Variants in MTHFSD observed in about 807,000 individuals in gnomAD.
MTHFSD encodes the protein methenyltetrahydrofolate synthase domain-containing protein.
MTHFSD carries 37 observed loss-of-function variants against 31.1 expected under a neutral mutation model. That is an observed-to-expected ratio of 1.19 (90% CI 0.91 to 1.56). The LOEUF is 1.56. MTHFSD is among the 40% of genes most tolerant of loss of function. The probability of loss-of-function intolerance (pLI) is 0.00; values close to 1 mark genes in which losing one functional copy is unlikely to be tolerated. For missense variants in MTHFSD, 664 were observed against 510.1 expected, an observed-to-expected ratio of 1.30 and a Z score of -2.91; for synonymous variants, 221 against 206.9, an observed-to-expected ratio of 1.07 and a Z score of -0.59.
chr16:86,542,334 A>C lies in MTHFSD; in HGVS notation c.443-121T>G. On this transcript the variant is annotated intron_variant, in intron 5 of 7. Coordinates refer to ENST00000360900, the MANE Select transcript of MTHFSD (RefSeq NM_001159377.2). This position sits in a 1 kb window ranked among gnomAD's most constrained non-coding sequence, Gnocchi z 4.6. ...CCAATATCCCGAGCTAATCTATAGA[A>C]ATTTTCACAGAAATGCCCACCAAAT... is the stretch of plus-strand genomic sequence containing the variant. 1.2e-6 allele frequency: 1 copy of C among 820,376 alleles called. No homozygotes were observed. The highest frequency in any genetic ancestry group is 1.8e-5 in the South Asian group (1 of 55,132). The allele number at this position is 820,376 out of a possible 1,614,324, so 50.8% of individuals were successfully genotyped here.
rs1284398961 is a variant in MTHFSD, at chr16:86,546,524, T to C, written c.442+35A>G. 3 of 1,581,716 alleles carry C rather than the reference T, an allele frequency of 1.9e-6. No individual in the cohort carries two copies. The South Asian group carries it at 3.3e-5, about 17-fold the overall frequency. ...GCACGCAGCCGCCTTCAGGCAGAGCTGTCACACTCAAGGGTTCCCATCTGC... is the reference window on the plus strand; with the variant it reads ...GCACGCAGCCGCCTTCAGGCAGAGCCGTCACACTCAAGGGTTCCCATCTGC... On this transcript the variant is annotated intron_variant, in intron 5 of 7. Transcript: ENST00000360900.
rs779874337 is a variant in MTHFSD, at chr16:86,554,648, A to T, written c.120T>A (p.Phe40Leu). 1 of 1,611,996 alleles carries T rather than the reference A, an allele frequency of 6.2e-7. No individual in the cohort carries two copies. Among genetic ancestry groups the T allele is most frequent in the Middle Eastern group, 1.7e-4 (1 of 6,058 alleles). Residue 40 changes from phenylalanine (F) to leucine (L), a missense_variant, in exon 2 of 8, where the codon TTT becomes TTA. By Grantham distance (22) the Phe-to-Leu change is conservative (BLOSUM62 0). Transcript: ENST00000360900. ...GACTCCAGAAATATGTCAGTACCTT[A>T]AAGTTGGGTATCCTGTGATGAACAG... Reference protein sequence around the residue: ...PRPVHHRIPNFKGSYLACQNI... With the variant: ...PRPVHHRIPNLKGSYLACQNI...
chr16:86,548,328 A>G, intron 4 of MTHFSD, 136 bp downstream of exon 4: 3 of 861,898 alleles, frequency 3.5e-6, no homozygotes, highest in Non-Finnish European at 5.6e-6. Context: ...GAATTCTTGA[A>G]TACTTTAATA....
chr16:86,538,344 C>G (rs942696362), intron 7 of MTHFSD, among the ~76,000 whole-genome samples: 2 of 152,166 alleles, frequency 1.3e-5, no homozygotes, highest in Non-Finnish European at 2.9e-5. Flanking sequence ...GTGGCAGACC[C>G]GGGTCTCCCC....
chr16:86,555,107 T>G, intron 1 of MTHFSD, 62 bp downstream of exon 1: 1 of 1,525,096 alleles, frequency 6.6e-7, no homozygotes, highest in Non-Finnish European at 8.8e-7. Context: ...GCCTCGACCC[T>G]CACCGGTCCC....
At chr16:86,554,206 G>A (rs550021496) in intron 2 of MTHFSD, among the ~76,000 whole-genome samples, 60 of 152,280 alleles carry the variant, frequency 3.9e-4, no homozygotes, top group Middle Eastern at 3.4e-3. Context: ...TTTGTGAGCT[G>A]CAACACTCTC....
rs1192227019 is a variant in MTHFSD, at chr16:86,530,666, AAGAG to A, written c.*1341_*1344del. The A allele has an allele frequency of 6.6e-6, 1 of 152,204 alleles. No individual in the cohort carries two copies. Among genetic ancestry groups the A allele is most frequent in the Non-Finnish European group, 1.5e-5 (1 of 68,028 alleles). The allele number at this position is 152,204 out of a possible 1,614,324, so 9.4% of individuals were successfully genotyped here. A position where few individuals can be genotyped will look rare whatever the true frequency, so the allele number is the denominator to read the frequency against. On this transcript the variant is annotated 3_prime_UTR_variant, in exon 8 of 8. Transcript: ENST00000360900. Reference sequence around the variant, plus strand: ...CAGAAAAAGAAGTATTTTTTAAAAAAAGAGAGAAAAGAAGGTGAGGAGTTCAGTG... The same window carrying A: ...CAGAAAAAGAAGTATTTTTTAAAAAAAGAAAAGAAGGTGAGGAGTTCAGTG...
chr16:86,546,501 A>G, intron 5 of MTHFSD, 58 bp downstream of exon 5: 1 of 1,473,544 alleles, frequency 6.8e-7, no homozygotes, highest in Non-Finnish European at 9.5e-7. Context: ...ACAGCCTGGC[A>G]CGCAGCCGCC....
At position 86,554,648 on chromosome 16, in the gene MTHFSD, A is replaced by G. The variant is rs779874337; in HGVS notation, c.120T>C (p.Phe40=). 6.2e-7 allele frequency: 1 copy of G among 1,611,878 alleles called. No individual in the cohort carries two copies. Among genetic ancestry groups the G allele is most frequent in the Non-Finnish European group, 8.5e-7 (1 of 1,178,522 alleles). ...GACTCCAGAAATATGTCAGTACCTT[A>G]AAGTTGGGTATCCTGTGATGAACAG... ...PRPVHHRIPN[F]KGSYLACQNI... The change falls in exon 2 of 8, where the codon TTT becomes TTC. Residue 40 remains phenylalanine, a synonymous_variant. Transcript: ENST00000360900.
At chr16:86,555,087 C>T (rs1350600352) in intron 1 of MTHFSD, 82 bp downstream of exon 1, 7 of 1,513,750 alleles carry the variant, frequency 4.6e-6, no homozygotes, top group Admixed American at 2.1e-5. Context: ...CTGCCAGCCC[C>T]GGTGGCCCCG....
At chr16:86,541,212 C>G (rs17192954) in intron 7 of MTHFSD, 711,470 of 1,287,228 alleles carry the variant, frequency 0.55, 205,651 homozygotes, top group Non-Finnish European at 0.6. Context: ...GAGATAAAAA[C>G]CACAAATGCA....
chr16:86,547,019 G>T, intron 4 of MTHFSD: 2 of 400,474 alleles, frequency 5.0e-6, no homozygotes, highest in Non-Finnish European at 7.1e-6. Flanking sequence ...TCCCCAGCAG[G>T]CTGGAGCTCT....
At chr16:86,548,423 A>C (rs1299481741) in intron 4 of MTHFSD, 41 bp downstream of exon 4, 8 of 1,489,556 alleles carry the variant, frequency 5.4e-6, no homozygotes, top group Non-Finnish European at 7.5e-6. Context: ...TTCACAGGGT[A>C]CAGTTCTTTC....
At chr16:86,541,645 AGAG>A (rs1344782816) in intron 7 of MTHFSD, 49 bp downstream of exon 7, 2 of 1,583,998 alleles carry the variant, frequency 1.3e-6, no homozygotes, top group South Asian at 1.1e-5. Context: ...AACACTTAAA[AGAG>A]GAGGAGCCGC....
At chr16:86,546,790 G>C in intron 4 of MTHFSD, 141 bp from the exon 5 acceptor site, 1 of 701,068 alleles carries the variant, frequency 1.4e-6, no homozygotes, top group Non-Finnish European at 2.4e-6. Context: ...GAGATGTGGC[G>C]TTTCAGGAGA....
chr16:86,551,245 A>T (rs1973099149), intron 3 of MTHFSD, among the ~76,000 whole-genome samples: 1 of 152,238 alleles, frequency 6.6e-6, no homozygotes, highest in East Asian at 1.9e-4. Flanking sequence ...AACTAATTTA[A>T]ATCAACCCTG....
intron 1 of MTHFSD, 28 bp from the exon 2 acceptor site, chr16:86,554,779 C>A (rs1401746020): frequency 6.3e-7 from 1 of 1,574,906 alleles, no homozygotes; most frequent in Non-Finnish European, 8.7e-7. Flanking sequence ...CACTTAATAA[C>A]ATACAAAGGA....
chr16:86,533,037 CAA>C (rs1344353372), intron 7 of MTHFSD: 1 of 152,258 alleles, frequency 6.6e-6, no homozygotes, highest in Non-Finnish European at 1.5e-5. Context: ...AATGCACAGC[CAA>C]AAATGCAGAA....
chr16:86,551,898 G>A, intron 3 of MTHFSD, 135 bp downstream of exon 3: 2 of 1,475,922 alleles, frequency 1.4e-6, no homozygotes, highest in Non-Finnish European at 1.8e-6. Flanking sequence ...ACCACCAAGG[G>A]CACTTTCTGT....
Sources: allele counts gnomAD v4.1 joint callset (sites outside exome capture counted in the v4.1 genomes callset), GRCh38; gene constraint gnomAD v4.1.1; non-coding constraint Gnocchi (gnomAD v3.1); transcripts MANE v1.5; gene names NCBI Gene and HGNC (gene_info 2026-07-23, HGNC 2026-07-21).